The following ANO3 variants were observed in gnomAD, a reference collection of about 807,000 sequenced individuals.
ANO3 encodes anoctamin 3, also known as anoctamin-3.
Under a neutral mutation model 144.8 loss-of-function variants are expected in ANO3, and 99 were observed. The ratio of observed to expected loss-of-function variants is 0.68; its 90% CI spans 0.58 to 0.81. ANO3 has a LOEUF of 0.81. Ranked by LOEUF, ANO3 falls within the 30% of genes least tolerant of loss-of-function variation. The pLI, the probability that ANO3 is intolerant of heterozygous loss-of-function variation, is 0.00. For missense variants in ANO3, 905 were observed against 1,202.2 expected (o/e 0.75, Z 3.66); for synonymous variants, 414 against 392.6 (o/e 1.05, Z -0.64).
At chr11:26,505,914 A>T (rs1365514770) in intron 4 of ANO3, among the ~76,000 whole-genome samples, 2 of 149,084 alleles carry the variant, frequency 1.3e-5, no homozygotes, top group African/African-American at 5.0e-5. Flanking sequence ...AATGGCGTGA[A>T]TCCCGGAGGC....
intron 13 of ANO3, among the ~76,000 whole-genome samples, chr11:26,554,002 T>A (rs1009714771): frequency 2.0e-5 from 3 of 152,180 alleles, no homozygotes; most frequent in African/African-American, 7.2e-5. Flanking sequence ...TATATTTTGT[T>A]ATATGCGTGC....
chr11:26,559,674 A>C (rs766583976), intron 13 of ANO3, 45 bp from the exon 14 acceptor site: 1 of 1,402,632 alleles, frequency 7.1e-7, no homozygotes, highest in Non-Finnish European at 1.0e-6. Context: ...CTGGCTTATT[A>C]TAATCAATTT....
chr11:26,606,165 T>A (rs1410785084), intron 17 of ANO3, among the ~76,000 whole-genome samples: 1 of 152,200 alleles, frequency 6.6e-6, no homozygotes, highest in Non-Finnish European at 1.5e-5. Context: ...TCAAAGAACT[T>A]ATTTATTTCT....
intron 24 of ANO3, among the ~76,000 whole-genome samples, chr11:26,648,673 G>T (rs1044895208): frequency 6.6e-6 from 1 of 152,178 alleles, no homozygotes; most frequent in Non-Finnish European, 1.5e-5. Flanking sequence ...CTTAAATAAG[G>T]TATTGGGGGA....
chr11:26,416,420 TTTTC>T (rs1554951528), intron 1 of ANO3, among the ~76,000 whole-genome samples: 6 of 151,848 alleles, frequency 4.0e-5, no homozygotes, highest in East Asian at 1.9e-4. Flanking sequence ...TTAGTTTTTT[TTTTC>T]TTTCTTTCTT....
chr11:26,543,487 C>A (rs1849697670), intron 11 of ANO3, among the ~76,000 whole-genome samples: 1 of 151,912 alleles, frequency 6.6e-6, no homozygotes, highest in African/African-American at 2.4e-5. Flanking sequence ...ATTTTAAGTT[C>A]TAGGGTACAT....
chr11:26,398,759 A>G (rs1034407045), intron 1 of ANO3, among the ~76,000 whole-genome samples: 1 of 152,002 alleles, frequency 6.6e-6, no homozygotes, highest in Non-Finnish European at 1.5e-5. Context: ...AAAATCCGGG[A>G]TGGTATTCAT....
At chr11:26,369,831 T>C (rs1466038097) in intron 1 of ANO3, among the ~76,000 whole-genome samples, 1 of 152,220 alleles carries the variant, frequency 6.6e-6, no homozygotes, top group African/African-American at 2.4e-5. Context: ...TAACACTGAA[T>C]CATCATGTGG....
chr11:26,207,537 T>C (rs1851829849), intron 1 of ANO3, among the ~76,000 whole-genome samples: 2 of 152,200 alleles, frequency 1.3e-5, no homozygotes, highest in Admixed American at 6.5e-5. Context: ...TAAGTACTTA[T>C]TCAGTACGAG....
At chr11:26,290,226 A>G (rs1421016777) in intron 1 of ANO3, among the ~76,000 whole-genome samples, 1 of 152,098 alleles carries the variant, frequency 6.6e-6, no homozygotes, top group Non-Finnish European at 1.5e-5. Context: ...CTCTGATGGT[A>G]GTTTGTATTT....
intron 1 of ANO3, among the ~76,000 whole-genome samples, chr11:26,227,311 C>A (rs1852277154): frequency 1.3e-5 from 2 of 152,150 alleles, no homozygotes; most frequent in Admixed American, 6.6e-5. Flanking sequence ...TGCTAGACTT[C>A]ATTTTATAAC....
chr11:26,432,093 A>G (rs1392625334), intron 1 of ANO3, among the ~76,000 whole-genome samples: 1 of 152,046 alleles, frequency 6.6e-6, no homozygotes. Context: ...TTTTAATAAT[A>G]ATTATTCTGA....
chr11:26,426,438 A>G (rs573057010), intron 1 of ANO3, among the ~76,000 whole-genome samples: 6 of 152,188 alleles, frequency 3.9e-5, no homozygotes, highest in Non-Finnish European at 7.3e-5. Flanking sequence ...TATGTCCTCC[A>G]ACTCAGTATT....
intron 1 of ANO3, among the ~76,000 whole-genome samples, chr11:26,265,823 C>A (rs1475933018): frequency 6.6e-6 from 1 of 152,130 alleles, no homozygotes; most frequent in East Asian, 1.9e-4. Context: ...GGCTTTTAAC[C>A]TGAGCAAAAT....
intron 1 of ANO3, among the ~76,000 whole-genome samples, chr11:26,284,708 G>T (rs901199046): frequency 6.6e-6 from 1 of 151,830 alleles, no homozygotes; most frequent in African/African-American, 2.4e-5. Context: ...GACCATCCTG[G>T]CTAACACGGT....
chr11:26,562,539 T>G (rs1850334740), intron 14 of ANO3, among the ~76,000 whole-genome samples: 2 of 151,942 alleles, frequency 1.3e-5, no homozygotes, highest in Admixed American at 1.3e-4. Flanking sequence ...TATACATATT[T>G]CTCATTCATA....
intron 21 of ANO3, 32 bp downstream of exon 21, chr11:26,639,273 T>C (rs774166724): frequency 1.3e-6 from 2 of 1,542,840 alleles, no homozygotes; most frequent in Non-Finnish European, 1.8e-6. Context: ...TTGCCTTATG[T>C]CTAGTTACAA....
intron 1 of ANO3, among the ~76,000 whole-genome samples, chr11:26,268,608 T>C (rs1853367000): frequency 6.6e-6 from 1 of 152,106 alleles, no homozygotes; most frequent in African/African-American, 2.4e-5. Flanking sequence ...CTTATTGGCT[T>C]TTCAAAACAT....
At chr11:26,514,085 G>GC (rs1861770308) in intron 5 of ANO3, among the ~76,000 whole-genome samples, 1 of 146,486 alleles carries the variant, frequency 6.8e-6, no homozygotes, top group Non-Finnish European at 1.5e-5. Flanking sequence ...TACAGAAAGA[G>GC]TTTTTTTTTT....
Sources: allele counts gnomAD v4.1 joint callset (sites outside exome capture counted in the v4.1 genomes callset), GRCh38; gene constraint gnomAD v4.1.1; transcripts MANE v1.5; gene names NCBI Gene and HGNC (gene_info 2026-07-23, HGNC 2026-07-21).